NCOR2: variants seen among roughly 807,000 people sequenced by gnomAD.
The protein encoded by NCOR2 is CTG repeat protein 26.
Under a neutral mutation model 262.9 loss-of-function variants are expected in NCOR2, and 81 were observed. The observed-to-expected ratio is 0.31, with a 90% CI of 0.26 to 0.37. The LOEUF (loss-of-function observed/expected upper bound fraction) is 0.37. Ranked by LOEUF, NCOR2 falls within the 10% of genes least tolerant of loss-of-function variation. NCOR2 has a pLI of 1.00. For synonymous variants in NCOR2, 1,659 were observed against 1,559.3 expected (o/e 1.06, Z -1.51); for missense variants, 3,385 against 3,621.4 (o/e 0.93, Z 1.68).
Position 124,479,821 on chromosome 12 carries a change from G to A in NCOR2, c.411+3775C>T, listed in dbSNP as rs533590504. ...ACCCACAGCAGCAGGTCAACCTGGA[G>A]GCAGGCATGGGGTGCACTCCCAGCT... On this transcript the variant is annotated intron_variant, in intron 3 of 46. Coordinates refer to ENST00000405201, the Ensembl canonical transcript of NCOR2. Among the ~76,000 whole-genome samples, 8 of 152,368 alleles carry A rather than the reference G, an allele frequency of 5.3e-5. No homozygotes were observed. In the East Asian group the frequency reaches 1.5e-3, roughly 29 times the overall value.
chr12:124,454,303 C>A lies in NCOR2; in HGVS notation c.762+2803G>T, dbSNP rs561146257. On this transcript the variant is annotated intron_variant, in intron 6 of 46. Transcript: ENST00000405201. This position sits in a 1 kb window ranked among gnomAD's most constrained non-coding sequence, Gnocchi z 5.6. ...CCACTGACTGGCACCAAGCCAGGGG[C>A]CTTCAAGAGTCCAAACACTAGATCT... Among the ~76,000 whole-genome samples, 49 of 152,284 alleles carry A rather than the reference C, an allele frequency of 3.2e-4. No homozygotes were observed. The highest frequency in any genetic ancestry group is 1.1e-3 in the African/African-American group (47 of 41,576).
At position 124,483,462 on chromosome 12, in the gene NCOR2, G is replaced by A. The variant is rs187902633; in HGVS notation, c.411+134C>T. 280 of 968,668 alleles carry A rather than the reference G, an allele frequency of 2.9e-4. No individual in the cohort carries two copies. In the East Asian group the frequency reaches 7.0e-3, roughly 24 times the overall value. The allele number at this position is 968,668 out of a possible 1,614,324, so 60.0% of individuals were successfully genotyped here. A position where few individuals can be genotyped will look rare whatever the true frequency, so the allele number is the denominator to read the frequency against. ...TCCTGCCACCCAGCTCTGTGCACCC[G>A]GTGCTTGGCCCACCTCCAAGCCTTT... On this transcript the variant is annotated intron_variant, in intron 3 of 46. Transcript: ENST00000405201. The surrounding 1 kb of genome is among the most constrained non-coding windows in gnomAD (Gnocchi z 6.3).
Position 124,378,413 on chromosome 12 carries a change from AC to A in NCOR2, c.2020-30del, listed in dbSNP as rs781209443. ...GGGCACAGGGAAGCAGCAGATCAGG[AC>A]TGGGGCCTGGGCTGTCAGCTCGGGG... On this transcript the variant is annotated intron_variant, in intron 17 of 46. Coordinates refer to ENST00000405201, the Ensembl canonical transcript of NCOR2. The surrounding 1 kb of genome is among the most constrained non-coding windows in gnomAD (Gnocchi z 4.2). The A allele has an allele frequency of 1.9e-6, 3 of 1,594,514 alleles. No homozygotes were observed. In the South Asian group the frequency reaches 3.4e-5, roughly 18 times the overall value.
rs761748151 is a variant in NCOR2, at chr12:124,374,449, C to T, written c.2182G>A (p.Gly728Arg). ...CATTCCCCTCTGGGCACCTCATTCC[C>T]AGAGGCATGTAAGGCTGGAAGGAAG... The change falls in exon 19 of 47, where the codon GGG becomes AGG. Residue 728 changes from glycine (G) to arginine (R), a missense_variant. Gly to Arg is a moderately radical substitution (Grantham distance 125). Transcript: ENST00000405201. 5 of 1,612,594 alleles carry T rather than the reference C, an allele frequency of 3.1e-6. No individual in the cohort carries two copies. Among genetic ancestry groups the T allele is most frequent in the Admixed American group, 3.3e-5 (2 of 59,944 alleles).
intron 14 of NCOR2, among the ~76,000 whole-genome samples, chr12:124,401,223 A>AT (rs1228221370): frequency 1.3e-5 from 2 of 151,710 alleles, no homozygotes; most frequent in African/African-American, 4.8e-5. Context: ...AAAAAAAAAA[A>AT]AGAAAAAGAA....
At chr12:124,422,356 G>A (rs1201058612) in intron 12 of NCOR2, 145 bp downstream of exon 14, 20 of 890,908 alleles carry the variant, frequency 2.2e-5, no homozygotes, top group African/African-American at 4.9e-5. Flanking sequence ...GGAAGGGAGG[G>A]AGGGAGGAGG....
exon 30 of NCOR2, chr12:124,347,834 T>C (rs1412614764): frequency 2.6e-6 from 4 of 1,564,910 alleles, no homozygotes; most frequent in Non-Finnish European, 3.5e-6. Context: ...CCTTGTGTGA[T>C]GGACCCGCGG....
In NCOR2 at chr12:124,517,616, A is replaced by G. The variant is rs376884348; in HGVS notation, c.-118+17949T>C. Among the ~76,000 whole-genome samples, 2 of 152,270 alleles carry G rather than the reference A, an allele frequency of 1.3e-5. No individual in the cohort carries two copies. The highest frequency in any genetic ancestry group is 4.8e-5 in the African/African-American group (2 of 41,562). On this transcript the variant is annotated intron_variant, in intron 1 of 46. Coordinates refer to the NCOR2 transcript ENST00000404621. This position sits in a 1 kb window ranked among gnomAD's most constrained non-coding sequence, Gnocchi z 7.6. Reference sequence around the variant, plus strand: ...CCAGGGCAGAGCCTCGGGAGCGCCCACGATCACATGCCCTCCTGAAGTCAA... The same window carrying G: ...CCAGGGCAGAGCCTCGGGAGCGCCCGCGATCACATGCCCTCCTGAAGTCAA...
chr12:124,550,195 A>C lies in NCOR2; in HGVS notation c.-164-14584T>G, dbSNP rs550231121. Among the ~76,000 whole-genome samples, 5 of 152,302 alleles carry C rather than the reference A, an allele frequency of 3.3e-5. No homozygotes were observed. In the East Asian group the frequency reaches 9.7e-4, roughly 29 times the overall value. On this transcript the variant is annotated intron_variant, in intron 1 of 32. Coordinates refer to the NCOR2 transcript ENST00000458234. ...CAAAACCCGAACAGTGCCCAGGCTG[A>C]GAACCCTGCCGTTCTTACCAAATGC...
chr12:124,525,632 G>A (rs774248190), intron 1 of NCOR2, among the ~76,000 whole-genome samples: 3 of 152,224 alleles, frequency 2.0e-5, no homozygotes, highest in Non-Finnish European at 2.9e-5. Flanking sequence ...AGGGCCCTAC[G>A]TGGCACATGG....
chr12:124,551,388 G>T (rs1014827644), intron 1 of NCOR2, among the ~76,000 whole-genome samples: 1 of 152,242 alleles, frequency 6.6e-6, no homozygotes, highest in Non-Finnish European at 1.5e-5. Flanking sequence ...CACAGACAAG[G>T]CAGGTTCCCA....
chr12:124,348,241 G>T, exon 29 of NCOR2: 1 of 1,613,314 alleles, frequency 6.2e-7, no homozygotes, highest in Non-Finnish European at 8.5e-7. Flanking sequence ...TGCGCTTGGG[G>T]GCGGCCGTCT....
At chr12:124,553,918 C>T (rs1484156163) in intron 1 of NCOR2, among the ~76,000 whole-genome samples, 3 of 152,146 alleles carry the variant, frequency 2.0e-5, no homozygotes, top group Non-Finnish European at 4.4e-5. Context: ...CAGCTGGTGT[C>T]CCTCAAAATG....
intron 8 of NCOR2, among the ~76,000 whole-genome samples, chr12:124,437,064 T>A (rs2044371219): frequency 6.6e-6 from 1 of 151,856 alleles, no homozygotes; most frequent in African/African-American, 2.4e-5. Flanking sequence ...CCAACCTGGG[T>A]GACAGAGCGA....
chr12:124,442,199 A>G (rs781398404), intron 7 of NCOR2, among the ~76,000 whole-genome samples: 13 of 152,128 alleles, frequency 8.5e-5, no homozygotes, highest in Non-Finnish European at 1.2e-4. Context: ...GCGGGAGTGC[A>G]GTGGCTCGAT....
At chr12:124,327,349 G>T in intron 45 of NCOR2, 60 bp downstream of exon 47, 1 of 1,335,044 alleles carries the variant, frequency 7.5e-7, no homozygotes. Context: ...GCGGAGGAGC[G>T]AGGATTAATC....
Position 124,483,829 on chromosome 12 carries a change from C to A in NCOR2, c.234-56G>T. ...AGGAGATTGCGGCTCTGAGAACTCC[C>A]GAGGCCCCGACCACCCTCTGCGCCG... is the stretch of plus-strand genomic sequence containing the variant. On this transcript the variant is annotated intron_variant, in intron 2 of 46. Transcript: ENST00000405201. The surrounding 1 kb of genome is among the most constrained non-coding windows in gnomAD (Gnocchi z 6.3). 6.8e-7 allele frequency: 1 copy of A among 1,477,434 alleles called. No homozygotes were observed. Among genetic ancestry groups the A allele is most frequent in the African/African-American group, 1.4e-5 (1 of 71,198 alleles). The allele number at this position is 1,477,434 out of a possible 1,614,324, so 91.5% of individuals were successfully genotyped here. A position where few individuals can be genotyped will look rare whatever the true frequency, so the allele number is the denominator to read the frequency against.
At chr12:124,407,101 C>T (rs2042316710) in intron 13 of NCOR2, among the ~76,000 whole-genome samples, 1 of 152,226 alleles carries the variant, frequency 6.6e-6, no homozygotes, top group African/African-American at 2.4e-5. Flanking sequence ...GCTGGGGGTT[C>T]ACAGCCTCCT....
intron 33 of NCOR2, among the ~76,000 whole-genome samples, chr12:124,342,361 C>T (rs1318437047): frequency 2.6e-5 from 4 of 151,808 alleles, no homozygotes; most frequent in South Asian, 2.1e-4. Flanking sequence ...TTTTTTATTT[C>T]TTTTTTTTTA....
Sources: allele counts gnomAD v4.1 joint callset (sites outside exome capture counted in the v4.1 genomes callset), GRCh38; gene constraint gnomAD v4.1.1; non-coding constraint Gnocchi (gnomAD v3.1); transcripts MANE v1.5; gene names NCBI Gene and HGNC (gene_info 2026-07-23, HGNC 2026-07-21).